FGF14: variants seen among roughly 807,000 people sequenced by gnomAD.
The protein encoded by FGF14 is fibroblast growth factor homologous factor 4.
A neutral mutation model predicts 25.5 loss-of-function variants in FGF14; 5 were observed. That is an observed-to-expected ratio of 0.20 (90% CI 0.10 to 0.41). FGF14 has a LOEUF of 0.41. Among genes scored for constraint, FGF14 ranks in the 10% least tolerant of loss-of-function variants. The pLI is 1.00. For missense variants in FGF14, 222 were observed against 320.1 expected, an observed-to-expected ratio of 0.69 and a Z score of 2.34; for synonymous variants, 138 against 118.3, an observed-to-expected ratio of 1.17 and a Z score of -1.08.
chr13:101,788,897 TATATATATATATAGAGAGAGAGAGAGAG>T (rs1258585204), intron 3 of FGF14, among the ~76,000 whole-genome samples: 3 of 49,686 alleles, frequency 6.0e-5, no homozygotes, highest in East Asian at 5.6e-4. Flanking sequence ...TATATATATA[TATATATATATATAGAGAGAGAGAGAGAG>T]AGAGAGAGAG....
At chr13:102,229,913 C>G (rs905677480) in intron 1 of FGF14, among the ~76,000 whole-genome samples, 1 of 152,156 alleles carries the variant, frequency 6.6e-6, no homozygotes, top group African/African-American at 2.4e-5. Flanking sequence ...AACTGAACAG[C>G]CTTCTGTTAT....
At chr13:102,004,386 A>G (rs2039669456) in intron 1 of FGF14, among the ~76,000 whole-genome samples, 1 of 152,192 alleles carries the variant, frequency 6.6e-6, no homozygotes, top group African/African-American at 2.4e-5. Context: ...GGTTCACCAT[A>G]CCATAGACCA....
intron 1 of FGF14, among the ~76,000 whole-genome samples, chr13:101,903,593 C>G (rs1287435665): frequency 2.6e-5 from 4 of 151,892 alleles, no homozygotes; most frequent in Non-Finnish European, 5.9e-5. Flanking sequence ...AGAATTGTAG[C>G]TTTTATATGC....
At chr13:101,966,640 G>A (rs574447460) in intron 1 of FGF14, among the ~76,000 whole-genome samples, 2 of 151,940 alleles carry the variant, frequency 1.3e-5, no homozygotes, top group East Asian at 1.9e-4. Flanking sequence ...CCACCACCAC[G>A]CCCAGCTAAT....
intron 1 of FGF14, among the ~76,000 whole-genome samples, chr13:102,219,962 TGTAAGTGATGTAATA>T (rs1434898526): frequency 1.3e-5 from 2 of 152,220 alleles, no homozygotes; most frequent in South Asian, 2.1e-4. Flanking sequence ...ACAACATAAG[TGTAAGTGATGTAATA>T]GTAAGTGATG....
At chr13:101,776,261 T>C (rs1594207202) in intron 3 of FGF14, among the ~76,000 whole-genome samples, 1 of 152,164 alleles carries the variant, frequency 6.6e-6, no homozygotes, top group South Asian at 2.1e-4. Flanking sequence ...AACGTGAAGC[T>C]ATTAAAATTT....
At chr13:101,986,369 T>C (rs1304380754) in intron 1 of FGF14, among the ~76,000 whole-genome samples, 1 of 152,154 alleles carries the variant, frequency 6.6e-6, no homozygotes, top group Admixed American at 6.6e-5. Context: ...ACAATAATAG[T>C]TCAATAACTT....
chr13:101,733,262 G>A (rs779063674), intron 3 of FGF14, among the ~76,000 whole-genome samples: 10 of 152,076 alleles, frequency 6.6e-5, no homozygotes, highest in Non-Finnish European at 1.2e-4. Flanking sequence ...TTAATTGGTT[G>A]TGTGTGTACC....
chr13:102,013,001 G>T (rs1374157102), intron 1 of FGF14, among the ~76,000 whole-genome samples: 1 of 152,026 alleles, frequency 6.6e-6, no homozygotes, highest in Non-Finnish European at 1.5e-5. Flanking sequence ...ACCAATTTTA[G>T]TAAAAAACAT....
chr13:102,105,132 A>G (rs1402996731), intron 1 of FGF14, among the ~76,000 whole-genome samples: 1 of 152,190 alleles, frequency 6.6e-6, no homozygotes, highest in Non-Finnish European at 1.5e-5. Flanking sequence ...AAAAACAGAA[A>G]AATGAGGCTA....
intron 1 of FGF14, among the ~76,000 whole-genome samples, chr13:102,068,793 G>A (rs887340871): frequency 2.0e-5 from 3 of 152,156 alleles, no homozygotes; most frequent in Non-Finnish European, 4.4e-5. Flanking sequence ...GAGCCTCCCC[G>A]ACGAGCACCA....
intron 1 of FGF14, among the ~76,000 whole-genome samples, chr13:102,288,308 G>A (rs543657379): frequency 6.6e-6 from 1 of 152,198 alleles, no homozygotes; most frequent in South Asian, 2.1e-4. Context: ...ATAATTAACA[G>A]AAAAACTGGT....
chr13:101,919,457 C>T (rs776018365), upstream of FGF14, among the ~76,000 whole-genome samples: 1 of 151,806 alleles, frequency 6.6e-6, no homozygotes, highest in Admixed American at 6.6e-5. Context: ...AAAAGAGTGA[C>T]ATTAAGCTTC....
At chr13:102,373,238 A>C (rs1002211832) in intron 1 of FGF14, among the ~76,000 whole-genome samples, 6 of 152,124 alleles carry the variant, frequency 3.9e-5, no homozygotes, top group Non-Finnish European at 7.4e-5. Flanking sequence ...GAGCTTTACA[A>C]AATCCAAGCC....
chr13:102,123,810 T>C (rs984854217), intron 1 of FGF14, among the ~76,000 whole-genome samples: 2 of 152,128 alleles, frequency 1.3e-5, no homozygotes, highest in South Asian at 2.1e-4. Flanking sequence ...AGGCACTCCA[T>C]AGAATAAGTG....
intron 1 of FGF14, among the ~76,000 whole-genome samples, chr13:102,333,554 T>A (rs2056698370): frequency 6.6e-6 from 1 of 152,132 alleles, no homozygotes; most frequent in Non-Finnish European, 1.5e-5. Flanking sequence ...GGGCTTTCGG[T>A]AAAGTAGGAA....
At chr13:101,736,224 G>A (rs891583837) in intron 3 of FGF14, among the ~76,000 whole-genome samples, 3 of 152,038 alleles carry the variant, frequency 2.0e-5, no homozygotes, top group Admixed American at 6.6e-5. Flanking sequence ...ATACATAAGT[G>A]TATATATACA....
At chr13:102,345,072 G>A (rs1005528728) in intron 1 of FGF14, among the ~76,000 whole-genome samples, 2 of 152,116 alleles carry the variant, frequency 1.3e-5, no homozygotes, top group African/African-American at 4.8e-5. Context: ...CTGGTTTATG[G>A]TCTTAATTCC....
At chr13:102,039,554 G>A (rs932257363) in intron 1 of FGF14, among the ~76,000 whole-genome samples, 2 of 152,120 alleles carry the variant, frequency 1.3e-5, no homozygotes, top group African/African-American at 2.4e-5. Flanking sequence ...CTCCTGCGGT[G>A]CTGACTCCTG....
Sources: allele counts gnomAD v4.1 joint callset (sites outside exome capture counted in the v4.1 genomes callset), GRCh38; gene constraint gnomAD v4.1.1; transcripts MANE v1.5; gene names NCBI Gene and HGNC (gene_info 2026-07-23, HGNC 2026-07-21).